TYW1B: variants seen among roughly 807,000 people sequenced by gnomAD.
The protein encoded by TYW1B is tRNA-yW synthesizing protein 1 homolog B.
Under a neutral mutation model 86.9 loss-of-function variants are expected in TYW1B, and 73 were observed. The ratio of observed to expected loss-of-function variants is 0.84; its 90% confidence interval spans 0.70 to 1.02. TYW1B has a LOEUF of 1.02. TYW1B is among the 50% of genes least tolerant of loss of function. The pLI is 0.00. For synonymous variants in TYW1B, 248 were observed against 292.8 expected (o/e 0.85, Z 1.56); for missense variants, 637 against 827.4 (o/e 0.77, Z 2.82).
chr7:72,704,074 T>A (rs1204110897), intron 10 of TYW1B, among the ~76,000 whole-genome samples: 20 of 152,182 alleles, frequency 1.3e-4, no homozygotes, highest in Non-Finnish European at 2.5e-4. Context: ...TATTATTCAG[T>A]GTTAAAAATT....
chr7:72,599,762 T>C (rs542413443), intron 13 of TYW1B, among the ~76,000 whole-genome samples: 1 of 152,202 alleles, frequency 6.6e-6, no homozygotes, highest in South Asian at 2.1e-4. Context: ...AACTGGAATT[T>C]GAAATTCAAA....
intron 2 of TYW1B, among the ~76,000 whole-genome samples, chr7:72,816,145 T>C (rs782325546): frequency 3.3e-5 from 5 of 152,130 alleles, no homozygotes; most frequent in Non-Finnish European, 7.4e-5. Flanking sequence ...GGGAGGCCGA[T>C]GCGGCTGGAT....
chr7:72,642,813 A>C (rs1812834512), intron 11 of TYW1B, among the ~76,000 whole-genome samples: 1 of 152,204 alleles, frequency 6.6e-6, no homozygotes, highest in South Asian at 2.1e-4. Flanking sequence ...AGGCAGGAGA[A>C]TCATTTGAAC....
At chr7:72,766,769 A>G (rs1393284589) in intron 7 of TYW1B, among the ~76,000 whole-genome samples, 1 of 151,812 alleles carries the variant, frequency 6.6e-6, no homozygotes, top group East Asian at 1.9e-4. Flanking sequence ...TCTACTAAAA[A>G]TACAAAAATT....
At chr7:72,747,381 C>G (rs1215476391) in intron 7 of TYW1B, among the ~76,000 whole-genome samples, 1 of 152,188 alleles carries the variant, frequency 6.6e-6, no homozygotes, top group Non-Finnish European at 1.5e-5. Context: ...AACTGTAAGT[C>G]CAACTGAACC....
intron 13 of TYW1B, among the ~76,000 whole-genome samples, chr7:72,611,449 T>C (rs1811930029): frequency 6.6e-6 from 1 of 152,100 alleles, no homozygotes; most frequent in Non-Finnish European, 1.5e-5. Context: ...GTTCTTGTGA[T>C]AGTGAATAAG....
intron 7 of TYW1B, among the ~76,000 whole-genome samples, chr7:72,770,087 C>A (rs1327387654): frequency 2.6e-4 from 37 of 143,596 alleles, no homozygotes; most frequent in South Asian, 9.0e-4. Context: ...AAAAAAAAAA[C>A]AAAAAAAATG....
At chr7:72,664,590 G>C (rs1233408494) in intron 11 of TYW1B, among the ~76,000 whole-genome samples, 2 of 152,080 alleles carry the variant, frequency 1.3e-5, no homozygotes, top group Non-Finnish European at 2.9e-5. Flanking sequence ...ACACACACTG[G>C]GGCCTATCAC....
At chr7:72,623,550 C>A (rs1812275727) in intron 12 of TYW1B, among the ~76,000 whole-genome samples, 1 of 152,118 alleles carries the variant, frequency 6.6e-6, no homozygotes, top group Admixed American at 6.5e-5. Flanking sequence ...AGGGCCTAGT[C>A]TTCTGTCCTT....
At chr7:72,787,209 C>T (rs1234723559) in intron 6 of TYW1B, among the ~76,000 whole-genome samples, 2 of 152,112 alleles carry the variant, frequency 1.3e-5, no homozygotes, top group African/African-American at 2.4e-5. Flanking sequence ...CGGTGGCTAT[C>T]CTAGCACTTT....
intron 7 of TYW1B, among the ~76,000 whole-genome samples, chr7:72,757,745 A>C (rs538724883): frequency 6.6e-5 from 10 of 152,216 alleles, no homozygotes; most frequent in Non-Finnish European, 1.3e-4. Flanking sequence ...TGATAACAAA[A>C]AAAGATTCTA....
At chr7:72,702,085 T>C (rs2129570443) in intron 10 of TYW1B, among the ~76,000 whole-genome samples, 1 of 152,310 alleles carries the variant, frequency 6.6e-6, no homozygotes, top group African/African-American at 2.4e-5. Context: ...CTTTTCCTTT[T>C]CCATTTATTG....
At chr7:72,681,266 GC>G (rs1490378145) in intron 11 of TYW1B, among the ~76,000 whole-genome samples, 1 of 152,202 alleles carries the variant, frequency 6.6e-6, no homozygotes, top group African/African-American at 2.4e-5. Context: ...TACTTATGTG[GC>G]AATCATGTGT....
intron 11 of TYW1B, among the ~76,000 whole-genome samples, chr7:72,656,116 T>C (rs1459236430): frequency 5.3e-5 from 8 of 152,222 alleles, no homozygotes; most frequent in East Asian, 1.9e-4. Context: ...TTACAAATGA[T>C]TGGGCTGATA....
chr7:72,786,063 T>C (rs1393197935), intron 6 of TYW1B, among the ~76,000 whole-genome samples: 1 of 151,634 alleles, frequency 6.6e-6, no homozygotes, highest in Admixed American at 6.6e-5. Context: ...GAGATGATAT[T>C]GTGCCACTGC....
Position 72,709,150 on chromosome 7 carries a change from T to C in TYW1B, c.1370+4471A>G, listed in dbSNP as rs575774882. Among the ~76,000 whole-genome samples, 19 of 152,334 alleles carry C rather than the reference T, an allele frequency of 1.2e-4. No individual in the cohort carries two copies. The South Asian group carries it at 2.9e-3, about 23-fold the overall frequency. On this transcript the variant is annotated intron_variant, in intron 10 of 13. Coordinates refer to ENST00000620995, the MANE Select transcript of TYW1B (RefSeq NM_001145440.3). ...AATTCTTCCCATATCCTAGCAGTAATCTGCAGATCTCAGACTTGCTTTTGT... is the reference window on the plus strand; with the variant it reads ...AATTCTTCCCATATCCTAGCAGTAACCTGCAGATCTCAGACTTGCTTTTGT...
chr7:72,613,545 T>C, intron 13 of TYW1B, among the ~76,000 whole-genome samples: 1 of 151,616 alleles, frequency 6.6e-6, no homozygotes, highest in Non-Finnish European at 1.5e-5. Flanking sequence ...GTACCTGAGA[T>C]TACAGGCCCC....
chr7:72,815,535 C>G, intron 2 of TYW1B, 54 bp from the exon 3 acceptor site: 1 of 1,480,002 alleles, frequency 6.8e-7, no homozygotes, highest in Non-Finnish European at 9.3e-7. Flanking sequence ...CAAATATAGC[C>G]CTCATTTACC....
At chr7:72,799,151 C>CT (rs1309407026) in intron 6 of TYW1B, among the ~76,000 whole-genome samples, 1,092 of 58,572 alleles carry the variant, frequency 0.019, 29 homozygotes, top group African/African-American at 0.054. Context: ...CCGGGTCTGC[C>CT]TTTTTTTTTT....
Sources: allele counts gnomAD v4.1 joint callset (sites outside exome capture counted in the v4.1 genomes callset), GRCh38; gene constraint gnomAD v4.1.1; transcripts MANE v1.5; gene names NCBI Gene and HGNC (gene_info 2026-07-23, HGNC 2026-07-21).